Variants in ARK2C observed in about 807,000 individuals in gnomAD.
ARK2C encodes arkadia (RNF111) C-terminal like ring finger ubiquitin ligase 2C, also known as E3 ubiquitin-protein ligase ARK2C.
chr18:46,435,326 C>T, the ARK2C span: 1 of 1,614,212 alleles, frequency 6.2e-7, no homozygotes, highest in Non-Finnish European at 8.5e-7. Context: ...CCCCCACCGC[C>T]TCCATCCCAG....
the ARK2C span, among the ~76,000 whole-genome samples, chr18:46,453,452 A>G: frequency 6.6e-6 from 1 of 152,188 alleles, no homozygotes; most frequent in Non-Finnish European, 1.5e-5. Flanking sequence ...CAATGCTAAG[A>G]ATTAAAAGGG....
At chr18:46,448,027 T>C in the ARK2C span, among the ~76,000 whole-genome samples, 2 of 149,828 alleles carry the variant, frequency 1.3e-5, no homozygotes, top group African/African-American at 4.9e-5. Context: ...GGCTTCCATA[T>C]GACCTAGCTC....
chr18:46,450,941 A>G, the ARK2C span: 1 of 644,920 alleles, frequency 1.6e-6, no homozygotes, highest in South Asian at 1.9e-5. Flanking sequence ...TAAAGCTGTA[A>G]TAACTTCCCA....
chr18:46,373,842 C>T, the ARK2C span, among the ~76,000 whole-genome samples: 62 of 152,250 alleles, frequency 4.1e-4, 1 homozygote, highest in Middle Eastern at 3.4e-3. Flanking sequence ...AGCTGGGGCT[C>T]GCTAGCCCTC....
chr18:46,356,584 A>G, the ARK2C span, among the ~76,000 whole-genome samples: 1 of 152,118 alleles, frequency 6.6e-6, no homozygotes, highest in South Asian at 2.1e-4. Flanking sequence ...TTGCCTCCAG[A>G]TCAGGGACTA....
the ARK2C span, chr18:46,456,925 C>A: frequency 2.4e-6 from 1 of 416,166 alleles, no homozygotes; most frequent in Non-Finnish European, 4.5e-6. Flanking sequence ...CTGCGGAGAA[C>A]CCAGGTGGGA....
chr18:46,451,373 G>A, the ARK2C span, among the ~76,000 whole-genome samples: 3 of 152,126 alleles, frequency 2.0e-5, no homozygotes, highest in South Asian at 6.2e-4. Context: ...CCAGGAAACT[G>A]AGTTTAAAAT....
At chr18:46,334,670 CCGTGTGTG>C in the ARK2C span, 51 of 293,084 alleles carry the variant, frequency 1.7e-4, no homozygotes, top group African/African-American at 1.5e-3. The surrounding 1 kb of genome is among the most constrained non-coding windows in gnomAD (Gnocchi z 4.4). Flanking sequence ...AGATACATGA[CCGTGTGTG>C]TGTGTGTGTG....
chr18:46,442,043 G>A, the ARK2C span, among the ~76,000 whole-genome samples: 3 of 150,456 alleles, frequency 2.0e-5, no homozygotes, highest in African/African-American at 4.9e-5. Context: ...CGCGCCTGTA[G>A]TCCCAGCTAC....
the ARK2C span, among the ~76,000 whole-genome samples, chr18:46,409,059 A>T: frequency 1.3e-5 from 2 of 152,088 alleles, no homozygotes; most frequent in Admixed American, 1.3e-4. Context: ...TACACCATGG[A>T]GTTCTGAGGA....
chr18:46,456,072 A>T, the ARK2C span: 1 of 1,602,312 alleles, frequency 6.2e-7, no homozygotes, highest in Admixed American at 1.7e-5. Context: ...AAGATGGAGA[A>T]GATGTGAGGT....
the ARK2C span, chr18:46,433,338 G>A: frequency 1.2e-6 from 2 of 1,612,418 alleles, no homozygotes; most frequent in East Asian, 2.2e-5. Flanking sequence ...ACATGGCCCC[G>A]GCCCACCAGC....
chr18:46,336,691 G>A, the ARK2C span: 1 of 985,256 alleles, frequency 1.0e-6, no homozygotes, highest in Middle Eastern at 5.2e-4. Context: ...AACCATTTTT[G>A]TATCTTCATC....
At chr18:46,354,281 G>A in the ARK2C span, among the ~76,000 whole-genome samples, 2 of 152,186 alleles carry the variant, frequency 1.3e-5, no homozygotes, top group African/African-American at 2.4e-5. Context: ...CCAGGGATTG[G>A]GGGTCTGGGC....
chr18:46,334,469 C>A, the ARK2C span: 2 of 746,032 alleles, frequency 2.7e-6, no homozygotes, highest in Middle Eastern at 4.2e-4. The surrounding 1 kb of genome is among the most constrained non-coding windows in gnomAD (Gnocchi z 4.4). Context: ...GGCTTCCCCC[C>A]ACCCCATTTT....
the ARK2C span, among the ~76,000 whole-genome samples, chr18:46,375,810 T>G: frequency 6.6e-6 from 1 of 152,136 alleles, no homozygotes; most frequent in South Asian, 2.1e-4. Flanking sequence ...CAATCCCACC[T>G]GGCAACCATG....
At chr18:46,359,247 G>T in the ARK2C span, among the ~76,000 whole-genome samples, 1 of 152,210 alleles carries the variant, frequency 6.6e-6, no homozygotes, top group Non-Finnish European at 1.5e-5. Context: ...GCTGTTCCCT[G>T]CCTGTGGGGT....
At chr18:46,420,334 C>A in the ARK2C span, among the ~76,000 whole-genome samples, 2 of 152,308 alleles carry the variant, frequency 1.3e-5, no homozygotes, top group South Asian at 4.1e-4. Context: ...TCAGACGAAA[C>A]AATTCTCCCA....
At chr18:46,395,751 A>C in the ARK2C span, among the ~76,000 whole-genome samples, 4 of 152,236 alleles carry the variant, frequency 2.6e-5, no homozygotes, top group African/African-American at 9.6e-5. Flanking sequence ...GGAGAAGTGA[A>C]CAAATAGTCA....
Sources: gnomAD v4.1 joint callset for allele counts (sites outside exome capture counted in the v4.1 genomes callset) on GRCh38, gnomAD v4.1.1 for gene constraint, Gnocchi (gnomAD v3.1) non-coding constraint, MANE v1.5 for transcripts, NCBI Gene and HGNC (gene_info 2026-07-23, HGNC 2026-07-21) for gene names.